KIF9: variants seen among roughly 807,000 people sequenced by gnomAD.
KIF9 encodes the protein kinesin-like protein KIF9.
KIF9 carries 68 observed loss-of-function variants against 94.8 expected under a neutral mutation model. That is an observed-to-expected ratio of 0.72 (90% confidence interval 0.59 to 0.88). The LOEUF (loss-of-function observed/expected upper bound fraction) is 0.88, where lower values mean the gene tolerates loss of function less well. Ranked by LOEUF, KIF9 falls within the 40% of genes least tolerant of loss-of-function variation. The pLI, the probability that KIF9 is intolerant of heterozygous loss-of-function variation, is 0.00. For synonymous variants in KIF9, 343 were observed against 362.1 expected, an observed-to-expected ratio of 0.95 and a Z score of 0.60; for missense variants, 882 against 982.5, an observed-to-expected ratio of 0.90 and a Z score of 1.37.
At chr3:47,240,146 G>C in intron 17 of KIF9, 3 of 312,290 alleles carry the variant, frequency 9.6e-6, no homozygotes, top group South Asian at 5.8e-5. Flanking sequence ...CAGTGCAGGT[G>C]TGGGCGGCGC....
intron 8 of KIF9, among the ~76,000 whole-genome samples, chr3:47,264,769 A>T (rs895478555): frequency 6.6e-6 from 1 of 152,162 alleles, no homozygotes; most frequent in Non-Finnish European, 1.5e-5. Context: ...TATAAAATTC[A>T]TATGTTGAAG....
At chr3:47,234,553 T>C (rs144615781) in intron 20 of KIF9, among the ~76,000 whole-genome samples, 3 of 141,176 alleles carry the variant, frequency 2.1e-5, no homozygotes, top group African/African-American at 8.3e-5. Context: ...GTGCCCAGCA[T>C]TTTTTTTTTC....
intron 7 of KIF9, chr3:47,266,108 G>A (rs1400992717): frequency 2.0e-5 from 9 of 452,578 alleles, no homozygotes; most frequent in Admixed American, 7.1e-5. Context: ...ATACTCATGC[G>A]AATGTGAATG....
intron 5 of KIF9, 33 bp from the exon 6 acceptor site, chr3:47,267,296 G>A (rs191502821): frequency 5.5e-5 from 80 of 1,467,348 alleles, no homozygotes; most frequent in Admixed American, 2.9e-4. Flanking sequence ...GCAACATTTC[G>A]AAAAACTAAA....
intron 17 of KIF9, chr3:47,238,341 C>G (rs1412382664): frequency 4.6e-5 from 7 of 152,144 alleles, no homozygotes; most frequent in African/African-American, 1.7e-4. Context: ...CCATACCTCC[C>G]AAGTAACTGA....
At chr3:47,261,196 C>CA (rs1700949301) in intron 9 of KIF9, among the ~76,000 whole-genome samples, 1 of 152,164 alleles carries the variant, frequency 6.6e-6, no homozygotes, top group South Asian at 2.1e-4. Flanking sequence ...GTGTCTTTGG[C>CA]CCATTGCTTG....
At chr3:47,262,788 A>G (rs1701065069) in intron 9 of KIF9, among the ~76,000 whole-genome samples, 1 of 152,224 alleles carries the variant, frequency 6.6e-6, no homozygotes, top group Non-Finnish European at 1.5e-5. Flanking sequence ...ATCTTTGGAA[A>G]TAATCTGTTT....
chr3:47,271,643 C>T (rs1000834144), intron 4 of KIF9, among the ~76,000 whole-genome samples, 182 bp from the exon 5 acceptor site: 1 of 152,190 alleles, frequency 6.6e-6, no homozygotes, highest in African/African-American at 2.4e-5. Context: ...GATTGGCTAA[C>T]ACTTAAACCA....
chr3:47,265,549 G>A (rs542724072), intron 8 of KIF9, among the ~76,000 whole-genome samples, 181 bp downstream of exon 8: 1 of 152,188 alleles, frequency 6.6e-6, no homozygotes, highest in African/African-American at 2.4e-5. Context: ...AGCATAGTGT[G>A]TTCTGGGCAC....
intron 10 of KIF9, among the ~76,000 whole-genome samples, chr3:47,254,433 G>C (rs1174606710): frequency 2.6e-5 from 4 of 152,130 alleles, no homozygotes; most frequent in Non-Finnish European, 1.5e-5. Context: ...ACTCCAGCCT[G>C]GGTGAGACTC....
At position 47,280,933 on chromosome 3, in the gene KIF9, C is replaced by T. The variant is rs1321050338; in HGVS notation, c.-6+1562G>A. On this transcript the variant is annotated intron_variant, in intron 1 of 20. Transcript: ENST00000684063. ...TTAACACCCAAACATTTAGGGACCC[C>T]ATGCCATCTTGCACTTACTGAAATA... 3 of 702,968 alleles carry T rather than the reference C, an allele frequency of 4.3e-6. No homozygotes were observed. In the African/African-American group the frequency reaches 5.2e-5, roughly 12 times the overall value. The allele number at this position is 702,968 out of a possible 1,614,324, so 43.5% of individuals were successfully genotyped here.
At chr3:47,270,027 CAA>C (rs1701540393) in intron 5 of KIF9, among the ~76,000 whole-genome samples, 1 of 152,004 alleles carries the variant, frequency 6.6e-6, no homozygotes, top group East Asian at 1.9e-4. Flanking sequence ...CTCCGCCTCC[CAA>C]AGTGTTGGGA....
chr3:47,239,863 AACAGG>A, intron 17 of KIF9: 1 of 1,367,958 alleles, frequency 7.3e-7, no homozygotes, highest in Non-Finnish European at 9.8e-7. Flanking sequence ...GCTGGCCTGG[AACAGG>A]GTTGTGATTT....
At position 47,275,306 on chromosome 3, in the gene KIF9, A is replaced by G. The variant is rs142792791; in HGVS notation, c.259+19T>C. 1 of 1,574,782 alleles carries G rather than the reference A, an allele frequency of 6.4e-7. No homozygotes were observed. The highest frequency in any genetic ancestry group is 1.4e-5 in the African/African-American group (1 of 73,170). On this transcript the variant is annotated intron_variant, in intron 3 of 20. Coordinates refer to ENST00000684063, the MANE Select transcript of KIF9 (RefSeq NM_182902.4). ...TCCTCAGGTTCTTACATAAGACAAC[A>G]TTTAATTAATTAAGTTACCATTATA...
intron 1 of KIF9, 60 bp from the exon 2 acceptor site, chr3:47,277,439 A>T: frequency 9.0e-7 from 1 of 1,114,818 alleles, no homozygotes; most frequent in Non-Finnish European, 1.4e-6. Flanking sequence ...AGTAGAGGAG[A>T]GGGGTCATTC....
intron 2 of KIF9, among the ~76,000 whole-genome samples, chr3:47,276,862 G>A (rs534718218): frequency 5.9e-5 from 9 of 152,130 alleles, no homozygotes; most frequent in African/African-American, 1.9e-4. Context: ...ATATAGGGAC[G>A]GATATATCTT....
Position 47,243,062 on chromosome 3 carries a change from TA to T in KIF9, c.1697del (p.Leu566TyrfsTer38). 6.2e-7 allele frequency: 1 copy of T among 1,606,278 alleles called. No homozygotes were observed. Among genetic ancestry groups the T allele is most frequent in the South Asian group, 1.1e-5 (1 of 90,776 alleles). Reference protein sequence around the residue: ...PLPSDSPKEELRPIRPDTPPS... With the variant: ...PLPSDSPKEEXRPIRPDTPPS... The stretch of plus-strand genomic sequence containing the variant: ...CATTAGCTGATTACCTAATTGGGCG[TA>T]ATTCCTCCTTCGGGGAGTCTGAGGG... On this transcript the variant is annotated frameshift_variant, in exon 16 of 21. Coordinates refer to ENST00000684063, the MANE Select transcript of KIF9 (RefSeq NM_182902.4). LOFTEE classifies it high-confidence loss of function.
Position 47,241,030 on chromosome 3 carries a change from G to A in KIF9, c.1710-15C>T. The A allele has an allele frequency of 6.2e-7, 1 of 1,611,816 alleles. No homozygotes were observed. The highest frequency in any genetic ancestry group is 2.2e-5 in the East Asian group (1 of 44,866). ...GGGTGTCGGGCCTTGAGATGAAAAG[G>A]TGAGACCAAAGAGGATAAATGAGGT... is the stretch of plus-strand genomic sequence containing the variant. On this transcript the variant is annotated splice_polypyrimidine_tract_variant and intron_variant, in intron 16 of 20. Transcript: ENST00000684063.
intron 1 of KIF9, among the ~76,000 whole-genome samples, chr3:47,280,151 T>C (rs1576105130): frequency 6.6e-6 from 1 of 151,500 alleles, no homozygotes; most frequent in South Asian, 2.1e-4. Flanking sequence ...AGAGATGGGG[T>C]TTCAACATGT....
Sources: gnomAD v4.1 joint callset for allele counts (sites outside exome capture counted in the v4.1 genomes callset) on GRCh38, gnomAD v4.1.1 for gene constraint, MANE v1.5 for transcripts, NCBI Gene and HGNC (gene_info 2026-07-23, HGNC 2026-07-21) for gene names.